RGS5: variants seen among roughly 807,000 people sequenced by gnomAD.
RGS5 encodes regulator of G-protein signalling 5.
Under a neutral mutation model 18.9 loss-of-function variants are expected in RGS5, and 20 were observed. That is an observed-to-expected ratio of 1.06 (90% CI 0.74 to 1.54). The LOEUF (loss-of-function observed/expected upper bound fraction) is 1.54, where lower values mean the gene tolerates loss of function less well. Among genes scored for constraint, RGS5 ranks in the 40% most tolerant of loss-of-function variants. RGS5 has a pLI of 0.00. For synonymous variants in RGS5, 57 were observed against 76.2 expected (o/e 0.75, Z 1.31); for missense variants, 201 against 211.8 (o/e 0.95, Z 0.32).
chr1:163,234,765 A>G (rs1316249041), intron 2 of RGS5, among the ~76,000 whole-genome samples: 1 of 152,198 alleles, frequency 6.6e-6, no homozygotes, highest in African/African-American at 2.4e-5. Flanking sequence ...TCTCACTTCT[A>G]TGAATTGGCT....
At position 163,169,808 on chromosome 1, in the gene RGS5, T is replaced by C. The variant is rs1658219844; in HGVS notation, c.45-1440A>G. 3.9e-5 allele frequency among the ~76,000 whole-genome samples: 6 copies of C among 152,296 alleles called. No individual in the cohort carries two copies. In the South Asian group the frequency reaches 1.0e-3, roughly 26 times the overall value. On this transcript the variant is annotated intron_variant, in intron 1 of 4. Transcript: ENST00000313961. ...TTCCACTTGATTATTTATTTCTCTA[T>C]AAAATTTTTGTTTCCAACTCCTTAT...
intron 1 of RGS5, among the ~76,000 whole-genome samples, chr1:163,185,012 T>C (rs1659011460): frequency 6.6e-6 from 1 of 152,232 alleles, no homozygotes; most frequent in Non-Finnish European, 1.5e-5. Context: ...GTCAGACTGT[T>C]CTGTGATCCT....
At chr1:163,147,555 T>C (rs745743756) in intron 4 of RGS5, 52 bp from the exon 5 acceptor site, 1 of 1,436,324 alleles carries the variant, frequency 7.0e-7, no homozygotes, top group Non-Finnish European at 9.2e-7. Flanking sequence ...TAGAATTTGA[T>C]GAGGGGTGAA....
At chr1:163,186,575 T>C (rs1246927372) in intron 1 of RGS5, among the ~76,000 whole-genome samples, 1 of 52,810 alleles carries the variant, frequency 1.9e-5, no homozygotes, top group Non-Finnish European at 3.5e-5. Flanking sequence ...CGAGACTCTG[T>C]CTCAAAAAAA....
chr1:163,287,419 T>C (rs1256386510), intron 2 of RGS5, among the ~76,000 whole-genome samples: 1 of 152,182 alleles, frequency 6.6e-6, no homozygotes, highest in Non-Finnish European at 1.5e-5. Context: ...CTCTCACTGG[T>C]TCATTAAAGA....
At chr1:163,258,209 C>A (rs149608299) in intron 2 of RGS5, among the ~76,000 whole-genome samples, 2 of 152,220 alleles carry the variant, frequency 1.3e-5, no homozygotes, top group East Asian at 3.9e-4. Flanking sequence ...AGTGAAGAAC[C>A]CCAACTAGTT....
intron 1 of RGS5, among the ~76,000 whole-genome samples, chr1:163,314,053 G>A (rs1649947524): frequency 6.6e-6 from 1 of 151,838 alleles, no homozygotes; most frequent in African/African-American, 2.4e-5. Flanking sequence ...GGAATAGGAA[G>A]AGAAACTACT....
At chr1:163,151,723 A>G (rs960454547) in intron 4 of RGS5, among the ~76,000 whole-genome samples, 21 of 152,308 alleles carry the variant, frequency 1.4e-4, no homozygotes, top group African/African-American at 4.8e-4. Context: ...CTCCCCATCC[A>G]TGCGGAACTG....
chr1:163,188,951 C>CAAAAAAAAA (rs34767004), intron 1 of RGS5, among the ~76,000 whole-genome samples: 2 of 77,634 alleles, frequency 2.6e-5, no homozygotes, highest in African/African-American at 9.8e-5. Flanking sequence ...GACCCCATCT[C>CAAAAAAAAA]AAAAAAAAAA....
At chr1:163,308,246 T>C (rs80289218) in intron 1 of RGS5, among the ~76,000 whole-genome samples, 295 of 152,298 alleles carry the variant, frequency 1.9e-3, no homozygotes, top group African/African-American at 6.9e-3. Flanking sequence ...CACTATACCA[T>C]AGAAACTGTG....
chr1:163,184,487 A>G (rs1658989322), intron 1 of RGS5, among the ~76,000 whole-genome samples: 2 of 152,152 alleles, frequency 1.3e-5, no homozygotes, highest in Non-Finnish European at 2.9e-5. Context: ...GCATAGACAC[A>G]GAAATAAAAG....
At chr1:163,168,009 C>G (rs973927611) in intron 2 of RGS5, among the ~76,000 whole-genome samples, 1 of 151,930 alleles carries the variant, frequency 6.6e-6, no homozygotes, top group Non-Finnish European at 1.5e-5. Flanking sequence ...GTATGTCTGT[C>G]TCTCAAAAAT....
chr1:163,270,555 G>A (rs1025739083), intron 2 of RGS5, among the ~76,000 whole-genome samples: 7 of 151,656 alleles, frequency 4.6e-5, no homozygotes, highest in East Asian at 1.9e-4. Flanking sequence ...GAGTACACAC[G>A]GACCTTATAA....
rs190522535 is a variant in RGS5 at position 163,230,057 on chromosome 1, C to T, written c.-280-61689G>A. ...TCATCTCTTTTTACTTGAATTTATT[C>T]CTCTGTAAATTAAGGCCATAATACT... On this transcript the variant is annotated intron_variant, in intron 2 of 5. Transcript: ENST00000618415. Among the ~76,000 whole-genome samples the T allele has an allele frequency of 4.7e-3, 716 of 152,242 alleles. 5 individuals carry two copies. The highest frequency in any genetic ancestry group is 0.016 in the African/African-American group (673 of 41,544).
chr1:163,188,844 T>C lies in RGS5; in HGVS notation c.44+13948A>G, dbSNP rs187468159. On this transcript the variant is annotated intron_variant, in intron 1 of 4. Transcript: ENST00000313961. ...GACACGAGCCTGTAGTCCCAGTTAG[T>C]TGGGAGGCTGTGGCAGGAGAATCGC... 3.1e-3 allele frequency among the ~76,000 whole-genome samples: 462 copies of C among 151,286 alleles called. 2 individuals are homozygous for C. Among genetic ancestry groups the C allele is most frequent in the African/African-American group, 0.01 (423 of 41,194 alleles).
rs1660216836 is a variant in RGS5, at chr1:163,216,315, G to A, written c.69+1211C>T. Among the ~76,000 whole-genome samples, 4 of 152,208 alleles carry A rather than the reference G, an allele frequency of 2.6e-5. No individual in the cohort carries two copies. The East Asian group carries it at 7.7e-4, about 29-fold the overall frequency. On this transcript the variant is annotated intron_variant, in intron 1 of 5. Transcript: ENST00000367903. Reference sequence around the variant, plus strand: ...GAGGGGGACATGAGGCACCATTTGAGCTTCAATTCCCTTGCAGCCTAGTGG... The same window carrying A: ...GAGGGGGACATGAGGCACCATTTGAACTTCAATTCCCTTGCAGCCTAGTGG...
chr1:163,310,929 G>A (rs115394982), intron 1 of RGS5, among the ~76,000 whole-genome samples: 1 of 152,144 alleles, frequency 6.6e-6, no homozygotes, highest in African/African-American at 2.4e-5. Flanking sequence ...GAGAAATGCC[G>A]AGCAAAGGGG....
Position 163,161,704 on chromosome 1 carries a change from T to C in RGS5, c.217+211A>G, listed in dbSNP as rs543732106. On this transcript the variant is annotated intron_variant, in intron 3 of 4. Transcript: ENST00000313961. Reference sequence around the variant, plus strand: ...GCAATCATGAGTCTTCAGAACACCTTATGTTCACATTCCCTCATAGTGCCA... The same window carrying C: ...GCAATCATGAGTCTTCAGAACACCTCATGTTCACATTCCCTCATAGTGCCA... 469 of 488,292 alleles carry C rather than the reference T, an allele frequency of 9.6e-4. 2 individuals are homozygous for C. The highest frequency in any genetic ancestry group is 1.6e-3 in the Non-Finnish European group (417 of 267,776). The allele number at this position is 488,292 out of a possible 1,614,324, so 30.2% of individuals were successfully genotyped here.
At chr1:163,151,454 A>G (rs1238759501) in intron 4 of RGS5, among the ~76,000 whole-genome samples, 2 of 152,196 alleles carry the variant, frequency 1.3e-5, no homozygotes, top group Non-Finnish European at 2.9e-5. Context: ...GGACACTGAG[A>G]TACTGGTTGA....
Sources: allele counts gnomAD v4.1 joint callset (sites outside exome capture counted in the v4.1 genomes callset), GRCh38; gene constraint gnomAD v4.1.1; transcripts MANE v1.5; gene names NCBI Gene and HGNC (gene_info 2026-07-23, HGNC 2026-07-21).